Variants in CHID1 observed in about 807,000 individuals in gnomAD.
The protein encoded by CHID1 is chitinase domain-containing protein 1.
Under a neutral mutation model 55.4 loss-of-function variants are expected in CHID1, and 44 were observed. The ratio of observed to expected loss-of-function variants is 0.79; its 90% CI spans 0.62 to 1.02. The LOEUF is 1.02. CHID1 is among the 50% of genes least tolerant of loss of function. The probability of loss-of-function intolerance (pLI) is 0.00; values close to 1 mark genes in which losing one functional copy is unlikely to be tolerated. For synonymous variants in CHID1, 216 were observed against 212.9 expected (o/e 1.01, Z -0.13); for missense variants, 491 against 515.3 (o/e 0.95, Z 0.46).
At chr11:900,873 C>T in intron 5 of CHID1, 63 bp downstream of exon 5, 2 of 1,423,900 alleles carry the variant, frequency 1.4e-6, no homozygotes, top group Non-Finnish European at 9.7e-7. Flanking sequence ...GACCCCAGTG[C>T]CCACCTGTCC....
At chr11:897,038 C>A (rs180955661) in intron 7 of CHID1, among the ~76,000 whole-genome samples, 1 of 132,718 alleles carries the variant, frequency 7.5e-6, no homozygotes, top group Non-Finnish European at 1.6e-5. Flanking sequence ...CCCGACACAA[C>A]GAGCCTGTCT....
chr11:881,112 GA>G (rs1849881647), intron 10 of CHID1, among the ~76,000 whole-genome samples: 1 of 152,058 alleles, frequency 6.6e-6, no homozygotes, highest in African/African-American at 2.4e-5. Context: ...TAGAGACATG[GA>G]AGACGTAAAG....
chr11:910,767 G>T lies in CHID1; in HGVS notation c.-44+8C>A. ...GGAGGAGCAGGGGCCGGCCGCCGCG[G>T]GGCTCACCTGCATGTCAGGGAGGCC... On this transcript the variant is annotated splice_region_variant and intron_variant, in intron 1 of 12. Coordinates refer to ENST00000323578, the MANE Select transcript of CHID1 (RefSeq NM_023947.4). The T allele has an allele frequency of 8.6e-7, 1 of 1,159,534 alleles. No homozygotes were observed. Among genetic ancestry groups the T allele is most frequent in the African/African-American group, 1.7e-5 (1 of 59,184 alleles). The allele number at this position is 1,159,534 out of a possible 1,614,324, so 71.8% of individuals were successfully genotyped here. A position where few individuals can be genotyped will look rare whatever the true frequency, so the allele number is the denominator to read the frequency against.
intron 10 of CHID1, among the ~76,000 whole-genome samples, chr11:880,000 C>T (rs1849788525): frequency 6.6e-6 from 1 of 152,252 alleles, no homozygotes; most frequent in South Asian, 2.1e-4. Flanking sequence ...GGGTGCAGCA[C>T]ACACAGGAGC....
intron 10 of CHID1, among the ~76,000 whole-genome samples, chr11:872,059 GGAGGCTGCTCTGCAGACATCA>G (rs1356514859): frequency 9.8e-5 from 15 of 152,344 alleles, no homozygotes; most frequent in African/African-American, 3.1e-4. Flanking sequence ...TTTGGGGCAT[GGAGGCTGCTCTGCAGACATCA>G]GACCCCGGCA....
intron 10 of CHID1, among the ~76,000 whole-genome samples, chr11:879,151 T>A (rs1326887437): frequency 2.6e-5 from 4 of 152,196 alleles, no homozygotes; most frequent in Non-Finnish European, 5.9e-5. Context: ...CGGTCACACC[T>A]GACTAATTTT....
chr11:884,173 T>G lies in CHID1; in HGVS notation c.702-4A>C, dbSNP rs1461493392. 1 of 1,613,096 alleles carries G rather than the reference T, an allele frequency of 6.2e-7. No homozygotes were observed. The highest frequency in any genetic ancestry group is 1.7e-5 in the Admixed American group (1 of 59,962). On this transcript the variant is annotated splice_polypyrimidine_tract_variant and splice_region_variant and intron_variant, in intron 8 of 12. Transcript: ENST00000323578. ...GAACATGCCCAGCTGGTCGGTCCTG[T>G]AACAGACAGGTGCAGCCACCTCAGG... is the stretch of plus-strand genomic sequence containing the variant.
intron 8 of CHID1, among the ~76,000 whole-genome samples, chr11:884,864 C>A (rs896931902): frequency 2.6e-5 from 4 of 152,228 alleles, no homozygotes; most frequent in African/African-American, 9.6e-5. Flanking sequence ...GGATGGCCGC[C>A]CTTCCCTCGG....
At chr11:877,549 C>T (rs541018404) in intron 10 of CHID1, among the ~76,000 whole-genome samples, 3 of 152,370 alleles carry the variant, frequency 2.0e-5, no homozygotes, top group African/African-American at 7.2e-5. Context: ...CCAAGCCACA[C>T]TGATGCCTTG....
At chr11:873,439 T>A (rs1323883522) in intron 10 of CHID1, among the ~76,000 whole-genome samples, 1 of 150,732 alleles carries the variant, frequency 6.6e-6, no homozygotes, top group Non-Finnish European at 1.5e-5. Flanking sequence ...GCCACACAGG[T>A]CTTTTGGGCG....
chr11:887,713 G>A (rs1198864006), intron 8 of CHID1, among the ~76,000 whole-genome samples: 4 of 152,110 alleles, frequency 2.6e-5, no homozygotes, highest in African/African-American at 4.8e-5. Context: ...CAAGCACCCC[G>A]TCCCGCTTCA....
chr11:914,854 C>A (rs199667310), upstream of CHID1: 2 of 330,718 alleles, frequency 6.0e-6, no homozygotes, highest in Non-Finnish European at 1.2e-5. Flanking sequence ...CTGGGCGACT[C>A]CTCATTTGCA....
Position 869,603 on chromosome 11 carries a change from C to T in CHID1, c.*255G>A, listed in dbSNP as rs1039861769. The T allele has an allele frequency of 3.5e-6, 2 of 576,164 alleles. No individual in the cohort carries two copies. The highest frequency in any genetic ancestry group is 6.1e-5 in the Admixed American group (2 of 32,628). 35.7% of individuals were successfully genotyped at this position (576,164 alleles called of 1,614,324 possible). On this transcript the variant is annotated 3_prime_UTR_variant, in exon 13 of 13. Transcript: ENST00000323578. ...GGGCAGGTACTGTGGGCCCCGCCTGCCCAGCTGACAGGAGGCAGCCAGCGG... is the reference window on the plus strand; with the variant it reads ...GGGCAGGTACTGTGGGCCCCGCCTGTCCAGCTGACAGGAGGCAGCCAGCGG...
intron 8 of CHID1, among the ~76,000 whole-genome samples, chr11:890,910 C>T (rs901469025): frequency 6.6e-6 from 1 of 152,158 alleles, no homozygotes; most frequent in African/African-American, 2.4e-5. Flanking sequence ...CCCCGCAGCA[C>T]GCAGACCTCT....
chr11:883,925 G>A, intron 9 of CHID1, 143 bp downstream of exon 9: 1 of 671,602 alleles, frequency 1.5e-6, no homozygotes, highest in East Asian at 2.7e-5. Context: ...TCCCTCAGGT[G>A]GGTGTCCAGA....
At chr11:892,166 G>A (rs1392589004) in intron 8 of CHID1, among the ~76,000 whole-genome samples, 3 of 152,276 alleles carry the variant, frequency 2.0e-5, no homozygotes, top group East Asian at 1.9e-4. Context: ...CCCCACACCC[G>A]GGACACAGGT....
At chr11:893,126 C>T (rs1850962874) in intron 8 of CHID1, among the ~76,000 whole-genome samples, 1 of 152,178 alleles carries the variant, frequency 6.6e-6, no homozygotes, top group African/African-American at 2.4e-5. Flanking sequence ...ACTTCTGCCT[C>T]GACACCCTGG....
At chr11:908,144 C>T (rs1852371047) in intron 1 of CHID1, 1 of 152,260 alleles carries the variant, frequency 6.6e-6, no homozygotes, top group African/African-American at 2.4e-5. Context: ...TGAAGCTCCC[C>T]CACCTAGGAG....
rs187964420 is a variant in CHID1, at chr11:878,848, G to A, written c.959+4300C>T. Among the ~76,000 whole-genome samples the A allele has an allele frequency of 2.0e-3, 299 of 150,642 alleles. 2 individuals carry two copies. The highest frequency in any genetic ancestry group is 7.0e-3 in the African/African-American group (288 of 41,024). On this transcript the variant is annotated intron_variant, in intron 10 of 12. Transcript: ENST00000323578. ...TCCCGAGTAGCCCGCCACCACACCC[G>A]GCTAATTTTTTTTTTTGAGACGGAG... is the stretch of plus-strand genomic sequence containing the variant.
Sources: gnomAD v4.1 joint callset for allele counts (sites outside exome capture counted in the v4.1 genomes callset) on GRCh38, gnomAD v4.1.1 for gene constraint, MANE v1.5 for transcripts, NCBI Gene and HGNC (gene_info 2026-07-23, HGNC 2026-07-21) for gene names.